GABBR1: variants seen among roughly 807,000 people sequenced by gnomAD.
GABBR1 encodes GABA-B receptor, R1 subunit.
In GABBR1, 35 loss-of-function variants were observed where a neutral mutation model predicts 117.7. The observed-to-expected ratio is 0.30, with a 90% CI of 0.23 to 0.39. The LOEUF (loss-of-function observed/expected upper bound fraction) is 0.39, where lower values mean the gene tolerates loss of function less well. Ranked by LOEUF, GABBR1 falls within the 10% of genes least tolerant of loss-of-function variation. The pLI is 1.00. For missense variants in GABBR1, 709 were observed against 1,241.8 expected, an observed-to-expected ratio of 0.57 and a Z score of 6.45; for synonymous variants, 442 against 486.6, an observed-to-expected ratio of 0.91 and a Z score of 1.21.
In GABBR1 at chr6:29,605,570, G is replaced by A; in HGVS notation, c.2438C>T (p.Ala813Val). The A allele has an allele frequency of 6.2e-7, 1 of 1,612,968 alleles. No individual in the cohort carries two copies. The highest frequency in any genetic ancestry group is 8.5e-7 in the Non-Finnish European group (1 of 1,180,008). Residue 813 changes from alanine (A) to valine (V), a missense_variant and splice_region_variant, in exon 20 of 23, where the codon GCA becomes GTA. Ala to Val is a moderately conservative substitution (Grantham distance 64). Around this residue, in one of 9 missense-constraint regions of GABBR1, gnomAD observed 251 missense variants for 445.3 expected, o/e 0.56. Coordinates refer to ENST00000377034, the MANE Select transcript of GABBR1 (RefSeq NM_001470.4). The surrounding 1 kb of genome is among the most constrained non-coding windows in gnomAD (Gnocchi z 4.2). ...RAVGMAIYNV[A>V]VLCLITAPVT... Reference sequence around the variant, plus strand: ...CAATGCCATGGGGTCAGTGCTCACTGCCACATTGTAGATAGCCATGCCCAC... The same window carrying A: ...CAATGCCATGGGGTCAGTGCTCACTACCACATTGTAGATAGCCATGCCCAC...
In GABBR1 at chr6:29,620,782, A is replaced by G. The variant is rs1763669021; in HGVS notation, c.1323+319T>C. Among the ~76,000 whole-genome samples the G allele has an allele frequency of 6.6e-6, 1 of 152,162 alleles. No homozygotes were observed. Among genetic ancestry groups the G allele is most frequent in the African/African-American group, 2.4e-5 (1 of 41,432 alleles). Reference sequence around the variant, plus strand: ...GGTGTGCTTGAGTATACAAGCATCCATATTATCATTAATGCCGGTTCCTCC... The same window carrying G: ...GGTGTGCTTGAGTATACAAGCATCCGTATTATCATTAATGCCGGTTCCTCC... On this transcript the variant is annotated intron_variant, in intron 11 of 22. Transcript: ENST00000377034. The surrounding 1 kb of genome is among the most constrained non-coding windows in gnomAD (Gnocchi z 4.5).
At chr6:29,626,446 C>G (rs991480521) in intron 6 of GABBR1, among the ~76,000 whole-genome samples, 2 of 152,052 alleles carry the variant, frequency 1.3e-5, no homozygotes, top group African/African-American at 2.4e-5. Flanking sequence ...TCTTAAATCT[C>G]CTTCCCTGTG....
At position 29,605,919 on chromosome 6, in the gene GABBR1, C is replaced by G. The variant is rs1205796575; in HGVS notation, c.2312-223G>C. On this transcript the variant is annotated intron_variant, in intron 19 of 22. Transcript: ENST00000377034. The surrounding 1 kb of genome is among the most constrained non-coding windows in gnomAD (Gnocchi z 4.2). ...TTTTCCTGGGATTCACACAGGAAAGCAATGGTGGCAAGCTGCTGTCAGTCA... is the reference window on the plus strand; with the variant it reads ...TTTTCCTGGGATTCACACAGGAAAGGAATGGTGGCAAGCTGCTGTCAGTCA... 3.4e-6 allele frequency: 2 copies of G among 587,234 alleles called. No individual in the cohort carries two copies. Among genetic ancestry groups the G allele is most frequent in the Non-Finnish European group, 6.0e-6 (2 of 331,876 alleles). The allele number at this position is 587,234 out of a possible 1,614,324, so 36.4% of individuals were successfully genotyped here.
At position 29,633,016 on chromosome 6, in the gene GABBR1, C is replaced by T. The variant is rs1041877655; in HGVS notation, c.-167G>A. ...GGCCAGGGTCTCTCCCCTCCTCTCT[C>T]GCTTCCCCCAAACCCCACCCCTGTC... On this transcript the variant is annotated 5_prime_UTR_variant, in exon 1 of 23. Transcript: ENST00000377034. The surrounding 1 kb of genome is among the most constrained non-coding windows in gnomAD (Gnocchi z 4.4). The T allele has an allele frequency of 1.3e-5, 2 of 158,836 alleles. No homozygotes were observed. The highest frequency in any genetic ancestry group is 2.4e-5 in the African/African-American group (1 of 41,572). The allele number at this position is 158,836 out of a possible 1,614,324, so 9.8% of individuals were successfully genotyped here.
chr6:29,629,093 G>A lies in GABBR1; in HGVS notation c.490C>T (p.His164Tyr), dbSNP rs773080202. 12 of 1,612,870 alleles carry A rather than the reference G, an allele frequency of 7.4e-6. No homozygotes were observed. Among genetic ancestry groups the A allele is most frequent in the East Asian group, 2.2e-5 (1 of 44,890 alleles). ...KPHCQVNRTP[H>Y]SERRAVYIGA... ...TAAGGGTTTCTCATCTCACCTGAGT[G>A]TGGCGTTCGATTCACTGGCAGCAGG... is the stretch of plus-strand genomic sequence containing the variant. Residue 164 changes from histidine (H) to tyrosine (Y), a missense_variant, in exon 5 of 23, where the codon CAC (histidine) becomes TAC (tyrosine). Physicochemically the swap from His to Tyr is moderately conservative, Grantham distance 83 (BLOSUM62 2). This residue lies in a region of GABBR1 where 192 missense variants were observed against 418.4 expected (regional missense o/e 0.46). Transcript: ENST00000377034.
rs1762668751 is a variant in GABBR1 at position 29,612,626 on chromosome 6, A to C, written c.1567-12T>G. The stretch of plus-strand genomic sequence containing the variant: ...AACACCACATGGCCCTGAGGGAAGG[A>C]ACATGTGGAGCAAGGCAAAGGAGAC... On this transcript the variant is annotated splice_polypyrimidine_tract_variant and intron_variant, in intron 12 of 22. Transcript: ENST00000377034. The C allele has an allele frequency of 6.2e-7, 1 of 1,612,814 alleles. No homozygotes were observed.
intron 4 of GABBR1, chr6:29,629,351 C>T (rs573467055): frequency 3.0e-6 from 2 of 664,144 alleles, no homozygotes; most frequent in Admixed American, 2.1e-5. Flanking sequence ...ATGCCAATAG[C>T]TAAGTTTGGG....
Position 29,627,226 on chromosome 6 carries a change from G to C in GABBR1, c.657+260C>G, listed in dbSNP as rs1383776551. On this transcript the variant is annotated intron_variant, in intron 6 of 22. Transcript: ENST00000377034. This position sits in a 1 kb window ranked among gnomAD's most constrained non-coding sequence, Gnocchi z 4.4. Reference sequence around the variant, plus strand: ...TTTCTCCAAACCCCGACACTTCTGCGAGACTCCCGCAGCGGGGCAGAAGGG... The same window carrying C: ...TTTCTCCAAACCCCGACACTTCTGCCAGACTCCCGCAGCGGGGCAGAAGGG... Among the ~76,000 whole-genome samples, 1 of 152,098 alleles carries C rather than the reference G, an allele frequency of 6.6e-6. No individual in the cohort carries two copies. Among genetic ancestry groups the C allele is most frequent in the African/African-American group, 2.4e-5 (1 of 41,416 alleles).
rs1319531538 is a variant in GABBR1 at position 29,609,087 on chromosome 6, G to C, written c.1859+142C>G. On this transcript the variant is annotated intron_variant, in intron 15 of 22. Coordinates refer to ENST00000377034, the MANE Select transcript of GABBR1 (RefSeq NM_001470.4). The surrounding 1 kb of genome is among the most constrained non-coding windows in gnomAD (Gnocchi z 4.3). ...AGTGGGGGTTATATCTGGTTTCCCT[G>C]TTTTCATTCTCAACAAGTCAGAATG... The C allele has an allele frequency of 1.2e-6, 1 of 834,450 alleles. No individual in the cohort carries two copies. The highest frequency in any genetic ancestry group is 1.8e-6 in the Non-Finnish European group (1 of 540,734). 51.7% of individuals were successfully genotyped at this position (834,450 alleles called of 1,614,324 possible). A position where few individuals can be genotyped will look rare whatever the true frequency, so the allele number is the denominator to read the frequency against.
chr6:29,609,420 A>C lies in GABBR1; in HGVS notation c.1709-41T>G. The C allele has an allele frequency of 6.3e-7, 1 of 1,580,732 alleles. No homozygotes were observed. Among genetic ancestry groups the C allele is most frequent in the Non-Finnish European group, 8.7e-7 (1 of 1,151,980 alleles). On this transcript the variant is annotated intron_variant, in intron 14 of 22. Coordinates refer to ENST00000377034, the MANE Select transcript of GABBR1 (RefSeq NM_001470.4). The surrounding 1 kb of genome is among the most constrained non-coding windows in gnomAD (Gnocchi z 4.3). ...GAGGAAGAGGGGAAGGGAAAAGAGA[A>C]GGGAAGGAGGACAAAGGAATGAAGA...
Position 29,631,343 on chromosome 6 carries a change from C to T in GABBR1, c.289+53G>A. 4 of 1,546,320 alleles carry T rather than the reference C, an allele frequency of 2.6e-6. No individual in the cohort carries two copies. The highest frequency in any genetic ancestry group is 1.1e-5 in the South Asian group (1 of 89,524). ...CTTGCAAGCAGTAATGCTAAGTTTG[C>T]GGCAGGAAAAGGAATAGTCTTGAAG... On this transcript the variant is annotated intron_variant, in intron 3 of 22. Coordinates refer to ENST00000377034, the MANE Select transcript of GABBR1 (RefSeq NM_001470.4). This position sits in a 1 kb window ranked among gnomAD's most constrained non-coding sequence, Gnocchi z 5.9.
In GABBR1 at chr6:29,630,521, C is replaced by A. The variant is rs1764845828; in HGVS notation, c.412G>T (p.Val138Leu). 2.5e-6 allele frequency: 4 copies of A among 1,612,960 alleles called. No individual in the cohort carries two copies. Among genetic ancestry groups the A allele is most frequent in the Non-Finnish European group, 3.4e-6 (4 of 1,180,034 alleles). ...DFRCDPDFHL[V>L]GSSRSICSQG... ...CTACAGATGCTCCGGGAGCTGCCCA[C>A]CAGATGGAAGTCGGGGTCACACCGG... Residue 138 changes from valine (V) to leucine (L), a missense_variant, in exon 4 of 23, where the codon GTG (valine) becomes TTG (leucine). Physicochemically the swap from Val to Leu is conservative, Grantham distance 32. Transcript: ENST00000377034. This position sits in a 1 kb window ranked among gnomAD's most constrained non-coding sequence, Gnocchi z 4.9.
intron 6 of GABBR1, among the ~76,000 whole-genome samples, chr6:29,626,287 T>C (rs1764264673): frequency 6.6e-6 from 1 of 152,192 alleles, no homozygotes; most frequent in Non-Finnish European, 1.5e-5. Flanking sequence ...AGGTGTATAG[T>C]GATGTTCTAA....
chr6:29,614,981 CA>C (rs202165362), intron 11 of GABBR1, among the ~76,000 whole-genome samples: 4,709 of 80,862 alleles, frequency 0.058, 62 homozygotes, highest in Admixed American at 0.099. Flanking sequence ...TAAAACTGCT[CA>C]AAAAAAAAAA....
rs1582952025 is a variant in GABBR1, at chr6:29,606,794, C to T, written c.2217+103G>A. ...GCTTCCAATACGAGGAAGGCACTCT[C>T]TCCAAGTAGCTTCATCCCTCAAGAC... On this transcript the variant is annotated intron_variant, in intron 18 of 22. Coordinates refer to ENST00000377034, the MANE Select transcript of GABBR1 (RefSeq NM_001470.4). This position sits in a 1 kb window ranked among gnomAD's most constrained non-coding sequence, Gnocchi z 4.5. The T allele has an allele frequency of 3.2e-6, 3 of 939,026 alleles. No individual in the cohort carries two copies. In the South Asian group the frequency reaches 4.5e-5, roughly 14 times the overall value. 58.2% of individuals were successfully genotyped at this position (939,026 alleles called of 1,614,324 possible). A position where few individuals can be genotyped will look rare whatever the true frequency, so the allele number is the denominator to read the frequency against.
rs1765054596 is a variant in GABBR1 at position 29,632,205 on chromosome 6, G to A, written c.85+96C>T. On this transcript the variant is annotated intron_variant, in intron 2 of 22. Coordinates refer to ENST00000377034, the MANE Select transcript of GABBR1 (RefSeq NM_001470.4). The surrounding 1 kb of genome is among the most constrained non-coding windows in gnomAD (Gnocchi z 5.8). ...GGTTGCCAGACCGGGATGATATGTGGGACTGATGGGATAGTGATGAGGACC... is the reference window on the plus strand; with the variant it reads ...GGTTGCCAGACCGGGATGATATGTGAGACTGATGGGATAGTGATGAGGACC... 1 of 740,128 alleles carries A rather than the reference G, an allele frequency of 1.4e-6. No individual in the cohort carries two copies. Among genetic ancestry groups the A allele is most frequent in the Non-Finnish European group, 2.0e-6 (1 of 487,904 alleles). The allele number at this position is 740,128 out of a possible 1,614,324, so 45.8% of individuals were successfully genotyped here. A position where few individuals can be genotyped will look rare whatever the true frequency, so the allele number is the denominator to read the frequency against.
chr6:29,632,716 CG>C lies in GABBR1; in HGVS notation c.-1+133del. 1.5e-6 allele frequency: 2 copies of C among 1,365,708 alleles called. No homozygotes were observed. Among genetic ancestry groups the C allele is most frequent in the Non-Finnish European group, 1.9e-6 (2 of 1,046,836 alleles). 84.6% of individuals were successfully genotyped at this position (1,365,708 alleles called of 1,614,324 possible). ...CGGCATCGGCCGCCTCAGCGCTCCCCGATTCCATCCCCGCGGTTCCTCCTCT... is the reference window on the plus strand; with the variant it reads ...CGGCATCGGCCGCCTCAGCGCTCCCCATTCCATCCCCGCGGTTCCTCCTCT... On this transcript the variant is annotated intron_variant, in intron 1 of 22. Transcript: ENST00000377034. This position sits in a 1 kb window ranked among gnomAD's most constrained non-coding sequence, Gnocchi z 5.8.
chr6:29,632,316 T>A lies in GABBR1; in HGVS notation c.70A>T (p.Asn24Tyr), dbSNP rs576307245. 1.4e-6 allele frequency: 2 copies of A among 1,379,382 alleles called. No individual in the cohort carries two copies. Among genetic ancestry groups the A allele is most frequent in the African/African-American group, 3.1e-5 (2 of 65,422 alleles). 85.4% of individuals were successfully genotyped at this position (1,379,382 alleles called of 1,614,324 possible). ...PPGAGGAQTP[N>Y]ATSEGCQIIH... ...AAGGATGCACCTTCTGAGGTGGCGT[T>A]GGGGGTCTGCGCCCCGCCCGCGCCC... Residue 24 changes from asparagine (N) to tyrosine (Y), a missense_variant, in exon 2 of 23, where the codon AAC becomes TAC. Around this residue, in one of 9 missense-constraint regions of GABBR1, gnomAD observed 43 missense variants for 42.8 expected, o/e 1.00. Transcript: ENST00000377034. The surrounding 1 kb of genome is among the most constrained non-coding windows in gnomAD (Gnocchi z 5.8).
intron 6 of GABBR1, 125 bp from the exon 7 acceptor site, chr6:29,624,149 C>T (rs1764038471): frequency 1.3e-5 from 13 of 966,272 alleles, no homozygotes; most frequent in Non-Finnish European, 7.3e-6. Flanking sequence ...CATTAATTAC[C>T]GTTTTCTTCT....
Sources: allele counts gnomAD v4.1 joint callset (sites outside exome capture counted in the v4.1 genomes callset), GRCh38; gene constraint gnomAD v4.1.1; regional missense constraint gnomAD v4.1.1; non-coding constraint Gnocchi (gnomAD v3.1); transcripts MANE v1.5; gene names NCBI Gene and HGNC (gene_info 2026-07-23, HGNC 2026-07-21).